SRBD1: variants seen among roughly 807,000 people sequenced by gnomAD.
SRBD1 encodes the protein S1 RNA binding domain 1.
SRBD1 carries 88 observed loss-of-function variants against 115.3 expected under a neutral mutation model. The observed-to-expected ratio is 0.76, with a 90% confidence interval of 0.64 to 0.91. The LOEUF is 0.91. SRBD1 is among the 40% of genes least tolerant of loss of function. The pLI is 0.00. For missense variants in SRBD1, 1,385 were observed against 1,177.4 expected (o/e 1.18, Z -2.58); for synonymous variants, 509 against 407.7 (o/e 1.25, Z -2.99).
intron 19 of SRBD1, among the ~76,000 whole-genome samples, chr2:45,407,909 T>C (rs1328341336): frequency 6.6e-6 from 1 of 151,984 alleles, no homozygotes; most frequent in African/African-American, 2.4e-5. Context: ...AACAAAAAAG[T>C]TGACTTTCTT....
intron 16 of SRBD1, among the ~76,000 whole-genome samples, chr2:45,457,515 A>T (rs1044315468): frequency 1.3e-5 from 2 of 152,006 alleles, no homozygotes; most frequent in Non-Finnish European, 2.9e-5. Flanking sequence ...TTAAGCTAGA[A>T]GTAATCTTTT....
intron 16 of SRBD1, 125 bp from the exon 17 acceptor site, chr2:45,420,019 G>C: frequency 1.2e-6 from 1 of 821,520 alleles, no homozygotes; most frequent in Non-Finnish European, 2.0e-6. Flanking sequence ...ATTCCTCTTA[G>C]ACACACTGTT....
rs770721123 is a variant in SRBD1 at position 45,413,150 on chromosome 2, G to C, written c.2477C>G (p.Thr826Ser). 1.2e-6 allele frequency: 2 copies of C among 1,614,068 alleles called. No individual in the cohort carries two copies. The highest frequency in any genetic ancestry group is 1.7e-6 in the Non-Finnish European group (2 of 1,179,976). ...GTCATATGATTCTGGATGAATACAA[G>C]TTTGGTCCAAAGGATTTGGCTTCAG... ...VLLKPNPLDQ[T>S]CIHPESYDIA... The change falls in exon 19 of 21, where the codon ACT (threonine) becomes AGT (serine). Residue 826 changes from threonine (T) to serine (S), a missense_variant. Physicochemically the swap from Thr to Ser is moderately conservative, Grantham distance 58 (BLOSUM62 1). Coordinates refer to ENST00000263736, the MANE Select transcript of SRBD1 (RefSeq NM_018079.5).
intron 10 of SRBD1, among the ~76,000 whole-genome samples, chr2:45,557,939 G>T (rs749334366): frequency 1.3e-5 from 2 of 152,056 alleles, no homozygotes; most frequent in African/African-American, 2.4e-5. Context: ...ACTGAGGTGA[G>T]GGATCACAAA....
intron 15 of SRBD1, among the ~76,000 whole-genome samples, chr2:45,482,749 C>A (rs1472345126): frequency 2.6e-5 from 4 of 151,922 alleles, no homozygotes; most frequent in African/African-American, 9.7e-5. Context: ...TACAGTCATC[C>A]TGTATCCTTG....
chr2:45,525,771 T>C (rs1260709122), intron 14 of SRBD1, among the ~76,000 whole-genome samples: 3 of 151,960 alleles, frequency 2.0e-5, no homozygotes, highest in African/African-American at 7.2e-5. Context: ...AAACATACTA[T>C]CATGTGTTTT....
rs559445527 is a variant in SRBD1, at chr2:45,390,083, G to A, written c.2699-484C>T. On this transcript the variant is annotated intron_variant, in intron 20 of 20. Coordinates refer to ENST00000263736, the MANE Select transcript of SRBD1 (RefSeq NM_018079.5). ...GGCCAAATGTGGATGAAATTCAAAT[G>A]TTCTTTCTTCCTCACTTCTTCCCAC... 3.9e-5 allele frequency among the ~76,000 whole-genome samples: 6 copies of A among 152,144 alleles called. No homozygotes were observed. In the South Asian group the frequency reaches 1.2e-3, roughly 32 times the overall value.
intron 16 of SRBD1, among the ~76,000 whole-genome samples, chr2:45,449,366 G>A (rs535047349): frequency 1.3e-5 from 2 of 152,070 alleles, no homozygotes; most frequent in Non-Finnish European, 2.9e-5. Flanking sequence ...GTGAGTCCAC[G>A]GATATTCCTA....
At chr2:45,484,906 T>C (rs889086010) in intron 15 of SRBD1, among the ~76,000 whole-genome samples, 3 of 152,256 alleles carry the variant, frequency 2.0e-5, no homozygotes, top group Non-Finnish European at 2.9e-5. Flanking sequence ...TATGGTGTTG[T>C]AGCATGTACC....
intron 16 of SRBD1, among the ~76,000 whole-genome samples, chr2:45,429,110 C>T (rs1449551207): frequency 3.9e-5 from 6 of 152,068 alleles, no homozygotes; most frequent in African/African-American, 1.2e-4. Flanking sequence ...AAAGTCGAAT[C>T]CCTGAATAGA....
chr2:45,488,970 T>C (rs1670207964), intron 14 of SRBD1, among the ~76,000 whole-genome samples: 1 of 152,172 alleles, frequency 6.6e-6, no homozygotes, highest in Non-Finnish European at 1.5e-5. Flanking sequence ...AGGTGTTAAT[T>C]CCTTTCATCA....
chr2:45,444,762 G>A (rs896732543), intron 16 of SRBD1, among the ~76,000 whole-genome samples: 2 of 152,070 alleles, frequency 1.3e-5, no homozygotes, highest in African/African-American at 4.8e-5. Flanking sequence ...AAATACTAAT[G>A]CTCTTCTGCA....
chr2:45,540,544 A>C (rs2104010430), intron 14 of SRBD1, among the ~76,000 whole-genome samples: 1 of 152,240 alleles, frequency 6.6e-6, no homozygotes, highest in East Asian at 1.9e-4. Flanking sequence ...TCAAAACTAA[A>C]ATTTTTGCCA....
At chr2:45,399,224 TG>T (rs1459364382) in intron 19 of SRBD1, among the ~76,000 whole-genome samples, 5 of 152,220 alleles carry the variant, frequency 3.3e-5, no homozygotes, top group Non-Finnish European at 1.5e-5. Flanking sequence ...GACAAAATGC[TG>T]AAACCAACAA....
intron 5 of SRBD1, 38 bp from the exon 6 acceptor site, chr2:45,581,848 T>A: frequency 6.6e-7 from 1 of 1,508,906 alleles, no homozygotes; most frequent in Non-Finnish European, 9.1e-7. Flanking sequence ...CAAAACTGTA[T>A]GTCAAAACTT....
chr2:45,595,313 G>A (rs950828713), intron 4 of SRBD1, among the ~76,000 whole-genome samples: 2 of 152,204 alleles, frequency 1.3e-5, no homozygotes, highest in Non-Finnish European at 2.9e-5. Flanking sequence ...CAAGGCCATG[G>A]GGAATAGTAC....
intron 16 of SRBD1, among the ~76,000 whole-genome samples, chr2:45,464,032 T>TA (rs1161667215): frequency 2.0e-5 from 3 of 152,174 alleles, no homozygotes; most frequent in African/African-American, 7.2e-5. Flanking sequence ...GATTTAGTCA[T>TA]AATCAAAGAA....
intron 4 of SRBD1, among the ~76,000 whole-genome samples, chr2:45,590,681 C>A (rs1673693379): frequency 1.3e-5 from 2 of 152,144 alleles, no homozygotes; most frequent in African/African-American, 2.4e-5. Context: ...GATTGTAAGT[C>A]TCCTGAGGTC....
chr2:45,607,106 C>A (rs1674296936), intron 1 of SRBD1, among the ~76,000 whole-genome samples: 1 of 152,158 alleles, frequency 6.6e-6, no homozygotes, highest in Admixed American at 6.5e-5. Flanking sequence ...TCCATCTTTC[C>A]CTTCACTCTC....
Sources: gnomAD v4.1 joint callset for allele counts (sites outside exome capture counted in the v4.1 genomes callset) on GRCh38, gnomAD v4.1.1 for gene constraint, MANE v1.5 for transcripts, NCBI Gene and HGNC (gene_info 2026-07-23, HGNC 2026-07-21) for gene names.